SOX5: variants seen among roughly 807,000 people sequenced by gnomAD.
The protein encoded by SOX5 is transcription factor SOX-5.
In SOX5, 9 loss-of-function variants were observed where a neutral mutation model predicts 92.0. That is an observed-to-expected ratio of 0.10 (90% CI 0.06 to 0.17). The LOEUF (loss-of-function observed/expected upper bound fraction) is 0.17. Among genes scored for constraint, SOX5 ranks in the 10% least tolerant of loss-of-function variants. SOX5 has a pLI of 1.00. For missense variants in SOX5, 642 were observed against 944.5 expected (o/e 0.68, Z 4.20); for synonymous variants, 344 against 336.3 (o/e 1.02, Z -0.25).
intron 2 of SOX5, among the ~76,000 whole-genome samples, chr12:24,361,636 C>CATGTGTG (rs1955569139): frequency 6.6e-6 from 1 of 151,082 alleles, no homozygotes; most frequent in South Asian, 2.1e-4. Context: ...TGTGTGTGCG[C>CATGTGTG]ATGTGTGTGT....
Position 23,762,678 on chromosome 12 carries a change from T to G in SOX5, c.482-6954A>C, listed in dbSNP as rs868461589. ...TTTTAATGTGAAGTTTTTAGAAAAA[T>G]GTAATGTAATACTTAAATCATTAGT... is the stretch of plus-strand genomic sequence containing the variant. On this transcript the variant is annotated intron_variant, in intron 3 of 14. Coordinates refer to ENST00000451604, the MANE Select transcript of SOX5 (RefSeq NM_006940.6). 4 of 471,496 alleles carry G rather than the reference T, an allele frequency of 8.5e-6. No individual in the cohort carries two copies. The South Asian group carries it at 1.8e-4, about 21-fold the overall frequency. 29.2% of individuals were successfully genotyped at this position (471,496 alleles called of 1,614,324 possible).
intron 6 of SOX5, among the ~76,000 whole-genome samples, chr12:23,711,791 A>G (rs903785400): frequency 5.3e-5 from 8 of 152,230 alleles, no homozygotes; most frequent in African/African-American, 1.9e-4. Context: ...CCTGGCACTT[A>G]CCTCAAAAAG....
chr12:24,032,269 GA>G (rs141403365), intron 4 of SOX5, among the ~76,000 whole-genome samples: 14 of 148,864 alleles, frequency 9.4e-5, no homozygotes, highest in Non-Finnish European at 2.1e-4. Context: ...AAGCCATGGT[GA>G]AAAAAAAAGG....
chr12:24,541,316 C>T (rs1427865580), intron 1 of SOX5, among the ~76,000 whole-genome samples: 1 of 152,040 alleles, frequency 6.6e-6, no homozygotes, highest in Non-Finnish European at 1.5e-5. Flanking sequence ...TATTGCACTT[C>T]GGTAAAAGGT....
In SOX5 at chr12:23,676,752, G is replaced by A. The variant is rs190554899; in HGVS notation, c.811-11188C>T. Reference sequence around the variant, plus strand: ...CTTGAATTATGGCACTTTTCTCTCCGTTATTTGGGAGAGGAGATGCGGAAA... The same window carrying A: ...CTTGAATTATGGCACTTTTCTCTCCATTATTTGGGAGAGGAGATGCGGAAA... On this transcript the variant is annotated intron_variant, in intron 6 of 14. Transcript: ENST00000451604. Among the ~76,000 whole-genome samples, 128 of 152,298 alleles carry A rather than the reference G, an allele frequency of 8.4e-4. 2 individuals carry two copies. Among genetic ancestry groups the A allele is most frequent in the South Asian group, 5.2e-3 (25 of 4,822 alleles).
chr12:23,635,597 C>T (rs112916896), intron 8 of SOX5, among the ~76,000 whole-genome samples: 31 of 152,072 alleles, frequency 2.0e-4, no homozygotes, highest in African/African-American at 7.2e-4. Flanking sequence ...GGGTGCAGCA[C>T]ACCAACATGG....
At chr12:23,603,045 T>A (rs983615676) in intron 9 of SOX5, among the ~76,000 whole-genome samples, 1 of 152,080 alleles carries the variant, frequency 6.6e-6, no homozygotes, top group Non-Finnish European at 1.5e-5. Flanking sequence ...TACATATTGC[T>A]GAAAAAGCAT....
At chr12:23,986,406 G>T (rs768489048) in intron 4 of SOX5, among the ~76,000 whole-genome samples, 7 of 151,932 alleles carry the variant, frequency 4.6e-5, no homozygotes, top group Non-Finnish European at 1.0e-4. Flanking sequence ...TGTCAGAAAA[G>T]GACTTATTAT....
chr12:24,093,533 A>AC (rs1944933813), intron 4 of SOX5, among the ~76,000 whole-genome samples: 1 of 149,858 alleles, frequency 6.7e-6, no homozygotes, highest in East Asian at 1.9e-4. Flanking sequence ...AAAAAAAAAA[A>AC]AACAAAAACA....
chr12:24,084,091 G>A (rs1203423767), intron 4 of SOX5, among the ~76,000 whole-genome samples: 1 of 152,078 alleles, frequency 6.6e-6, no homozygotes, highest in African/African-American at 2.4e-5. Context: ...CCACAGATAT[G>A]GTGGGCAAAA....
At chr12:24,111,815 C>T (rs1216259621) in intron 4 of SOX5, among the ~76,000 whole-genome samples, 2 of 152,174 alleles carry the variant, frequency 1.3e-5, no homozygotes, top group Admixed American at 1.3e-4. Context: ...CTATTCACAA[C>T]TTCAATCATT....
At chr12:24,512,440 G>A (rs1388988612) in intron 1 of SOX5, among the ~76,000 whole-genome samples, 1 of 152,196 alleles carries the variant, frequency 6.6e-6, no homozygotes, top group Non-Finnish European at 1.5e-5. Flanking sequence ...TATTTCCAGA[G>A]ATCAAAGTTT....
chr12:24,328,674 C>T (rs1281888357), intron 2 of SOX5, among the ~76,000 whole-genome samples: 2 of 152,190 alleles, frequency 1.3e-5, no homozygotes, highest in African/African-American at 2.4e-5. Context: ...ACAGCAAAAG[C>T]TCAATTCAAA....
rs201075356 is a variant in SOX5 at position 24,102,626 on chromosome 12, AG to A, written c.-2+110716del. On this transcript the variant is annotated intron_variant, in intron 4 of 4. Coordinates refer to the SOX5 transcript ENST00000446891. Reference sequence around the variant, plus strand: ...ACACCATCAAGAAAACAAAATCTATAGTAAGAACTTTCCAGGGCACTACCAT... The same window carrying A: ...ACACCATCAAGAAAACAAAATCTATATAAGAACTTTCCAGGGCACTACCAT... 5.3e-3 allele frequency among the ~76,000 whole-genome samples: 810 copies of A among 152,350 alleles called. 22 individuals are homozygous for A. Among genetic ancestry groups the A allele is most frequent in the Admixed American group, 0.049 (749 of 15,294 alleles).
chr12:24,065,769 G>C (rs1235294101), intron 4 of SOX5, among the ~76,000 whole-genome samples: 1 of 152,014 alleles, frequency 6.6e-6, no homozygotes, highest in Non-Finnish European at 1.5e-5. Context: ...ATGTCAACCA[G>C]GAACTTCTTC....
chr12:23,747,052 C>T (rs2141094204), intron 4 of SOX5, among the ~76,000 whole-genome samples: 1 of 152,158 alleles, frequency 6.6e-6, no homozygotes, highest in Middle Eastern at 3.4e-3. Context: ...AAATCTCTTT[C>T]TTTTGTAAAT....
chr12:24,031,071 G>A (rs1011462495), intron 4 of SOX5, among the ~76,000 whole-genome samples: 6 of 151,746 alleles, frequency 4.0e-5, no homozygotes, highest in South Asian at 2.1e-4. Context: ...TGGAGAAAAC[G>A]AAACCCTTGC....
chr12:23,774,431 G>C (rs2095036099), intron 3 of SOX5, among the ~76,000 whole-genome samples: 1 of 152,066 alleles, frequency 6.6e-6, no homozygotes, highest in African/African-American at 2.4e-5. Flanking sequence ...TGATATAAAA[G>C]ACTGCCATTG....
chr12:24,123,544 T>C (rs962563499), intron 4 of SOX5, among the ~76,000 whole-genome samples: 2 of 152,134 alleles, frequency 1.3e-5, no homozygotes, highest in Non-Finnish European at 2.9e-5. Context: ...TACCCAACCA[T>C]CATGTAGTTG....
Sources: allele counts gnomAD v4.1 joint callset (sites outside exome capture counted in the v4.1 genomes callset), GRCh38; gene constraint gnomAD v4.1.1; transcripts MANE v1.5; gene names NCBI Gene and HGNC (gene_info 2026-07-23, HGNC 2026-07-21).